ABLIM1: variants seen among roughly 807,000 people sequenced by gnomAD.
The protein encoded by ABLIM1 is actin binding LIM protein 1.
ABLIM1 carries 40 observed loss-of-function variants against 107.0 expected under a neutral mutation model. The observed-to-expected ratio is 0.37, with a 90% CI of 0.29 to 0.49. ABLIM1 has a LOEUF of 0.49. Ranked by LOEUF, ABLIM1 falls within the 20% of genes least tolerant of loss-of-function variation. The pLI, the probability that ABLIM1 is intolerant of heterozygous loss-of-function variation, is 0.97. For synonymous variants in ABLIM1, 357 were observed against 357.3 expected, an observed-to-expected ratio of 1.00 and a Z score of 0.01; for missense variants, 857 against 1,008.5, an observed-to-expected ratio of 0.85 and a Z score of 2.04.
intron 6 of ABLIM1, among the ~76,000 whole-genome samples, chr10:114,510,658 T>A (rs1590695611): frequency 6.6e-6 from 1 of 150,536 alleles, no homozygotes; most frequent in Non-Finnish European, 1.5e-5. Flanking sequence ...ATTTTATTAT[T>A]TTTTTTTTTG....
At chr10:114,701,069 A>T (rs1163352016) in intron 1 of ABLIM1, among the ~76,000 whole-genome samples, 2 of 152,146 alleles carry the variant, frequency 1.3e-5, no homozygotes, top group African/African-American at 4.8e-5. Context: ...ATACATTTTA[A>T]AAAAAACTCC....
chr10:114,495,088 A>T (rs1435570806), intron 6 of ABLIM1, among the ~76,000 whole-genome samples: 2 of 152,186 alleles, frequency 1.3e-5, no homozygotes, highest in African/African-American at 4.8e-5. Context: ...AGACAGCGAG[A>T]ATATACAACT....
rs2081742151 is a variant in ABLIM1, at chr10:114,718,111, G to GGAAGGAAGAGAA, written c.-213+49949_-213+49950insTTCTCTTCCTTC. ...GAAGGAAGGAAAAGAAAAAGAAAAA[G>GGAAGGAAGAGAA]AAAGAAAGAAAAAGAAAGAAAAGAA... On this transcript the variant is annotated intron_variant, in intron 1 of 15. Transcript: ENST00000651092. Among the ~76,000 whole-genome samples the GGAAGGAAGAGAA allele has an allele frequency of 3.7e-5, 4 of 109,330 alleles. 1 individual carries two copies. The highest frequency in any genetic ancestry group is 6.0e-5 in the Non-Finnish European group (3 of 50,256). The allele number at this position is 109,330 out of a possible 152,430, so 71.7% of individuals were successfully genotyped here.
chr10:114,613,197 C>A (rs2076926964), intron 1 of ABLIM1, among the ~76,000 whole-genome samples: 1 of 152,202 alleles, frequency 6.6e-6, no homozygotes, highest in Admixed American at 6.5e-5. Context: ...GATAATAACT[C>A]CTGTGATCCC....
intron 1 of ABLIM1, among the ~76,000 whole-genome samples, chr10:114,701,164 A>G (rs2081300768): frequency 6.6e-6 from 1 of 152,180 alleles, no homozygotes; most frequent in Non-Finnish European, 1.5e-5. Flanking sequence ...TAGATATGCA[A>G]ATGACCATTA....
intron 1 of ABLIM1, among the ~76,000 whole-genome samples, chr10:114,621,390 T>C (rs1035872500): frequency 1.3e-5 from 2 of 152,038 alleles, no homozygotes; most frequent in Non-Finnish European, 2.9e-5. Flanking sequence ...CATATTAGAG[T>C]CTAAAAAAAA....
rs187683585 is a variant in ABLIM1 at position 114,554,609 on chromosome 10, T to C, written c.674-6833A>G. Reference sequence around the variant, plus strand: ...TACTTTGGAGGCTGAGGTGGGAGGATTGCTTGAGCCCAGGAGCTCAAGGCT... The same window carrying C: ...TACTTTGGAGGCTGAGGTGGGAGGACTGCTTGAGCCCAGGAGCTCAAGGCT... On this transcript the variant is annotated intron_variant, in intron 4 of 22. Coordinates refer to ENST00000533213, the MANE Select transcript of ABLIM1 (RefSeq NM_002313.7). Among the ~76,000 whole-genome samples, 417 of 152,272 alleles carry C rather than the reference T, an allele frequency of 2.7e-3. 3 individuals carry two copies. The highest frequency in any genetic ancestry group is 3.8e-3 in the Non-Finnish European group (258 of 68,010).
At chr10:114,443,106 G>A (rs1424920761) in intron 17 of ABLIM1, among the ~76,000 whole-genome samples, 1 of 152,106 alleles carries the variant, frequency 6.6e-6, no homozygotes, top group African/African-American at 2.4e-5. Flanking sequence ...CCCACTAAAT[G>A]CATTTTTAAA....
At chr10:114,667,805 T>C (rs528664207) in intron 1 of ABLIM1, among the ~76,000 whole-genome samples, 10 of 152,320 alleles carry the variant, frequency 6.6e-5, no homozygotes, top group African/African-American at 2.2e-4. Flanking sequence ...CTCAGCATGT[T>C]TTTGAGACTC....
chr10:114,469,205 T>C (rs768329647), intron 10 of ABLIM1, among the ~76,000 whole-genome samples: 6 of 152,170 alleles, frequency 3.9e-5, no homozygotes, highest in Non-Finnish European at 8.8e-5. Context: ...AAACATAGGA[T>C]CTTGTTCACA....
chr10:114,638,042 TA>T (rs1409333800), intron 1 of ABLIM1, among the ~76,000 whole-genome samples: 13 of 152,320 alleles, frequency 8.5e-5, no homozygotes, highest in Middle Eastern at 3.4e-3. Context: ...GACTATGTTG[TA>T]ATGAAGGATG....
At chr10:114,440,770 C>T in intron 19 of ABLIM1, 2 of 602,196 alleles carry the variant, frequency 3.3e-6, no homozygotes, top group Non-Finnish European at 6.2e-6. Flanking sequence ...CTCTAGGTAT[C>T]TGATAGAGTG....
intron 8 of ABLIM1, among the ~76,000 whole-genome samples, chr10:114,480,729 T>C (rs2057228822): frequency 6.6e-6 from 1 of 152,204 alleles, no homozygotes; most frequent in African/African-American, 2.4e-5. Flanking sequence ...ACCTTCTTGT[T>C]GATATGGCTG....
chr10:114,603,927 T>G (rs1432192621), intron 1 of ABLIM1, among the ~76,000 whole-genome samples: 1 of 138,612 alleles, frequency 7.2e-6, no homozygotes, highest in African/African-American at 2.7e-5. Flanking sequence ...CACTCCAGCC[T>G]GGGGGACAAG....
At chr10:114,441,362 T>C (rs2060172204) in intron 18 of ABLIM1, among the ~76,000 whole-genome samples, 1 of 152,232 alleles carries the variant, frequency 6.6e-6, no homozygotes, top group South Asian at 2.1e-4. Context: ...TTCCATCTTT[T>C]GTGAGGAGGA....
chr10:114,634,518 C>T (rs577203522), intron 1 of ABLIM1, among the ~76,000 whole-genome samples: 1 of 152,258 alleles, frequency 6.6e-6, no homozygotes, highest in African/African-American at 2.4e-5. Context: ...CAGTTCTGAA[C>T]CTACCTGTAT....
intron 1 of ABLIM1, chr10:114,613,755 C>T: frequency 7.7e-7 from 1 of 1,302,170 alleles, no homozygotes; most frequent in African/African-American, 1.5e-5. Flanking sequence ...TAGAATGCTA[C>T]ACATTCTAGA....
chr10:114,547,657 T>C lies in ABLIM1; in HGVS notation c.793A>G (p.Ile265Val). The part of the protein sequence containing the change: ...SCGKVLTGEY[I>V]SKDGAPYCEK... ...GCCCGCGCCCAGCCTTACTTGCTGA[T>C]GTACTCCCCGGTGAGGACCTTCCCG... The change falls in exon 5 of 23, where the codon ATC becomes GTC. Residue 265 changes from isoleucine to valine, a missense_variant. Coordinates refer to ENST00000533213, the MANE Select transcript of ABLIM1 (RefSeq NM_002313.7). 6.2e-7 allele frequency: 1 copy of C among 1,613,822 alleles called. No individual in the cohort carries two copies. Among genetic ancestry groups the C allele is most frequent in the Non-Finnish European group, 8.5e-7 (1 of 1,180,018 alleles).
chr10:114,595,244 C>T (rs1298634065), intron 2 of ABLIM1: 4 of 151,388 alleles, frequency 2.6e-5, no homozygotes, highest in African/African-American at 9.7e-5. Flanking sequence ...AAATATATAA[C>T]ATGTATACTT....
Sources: gnomAD v4.1 joint callset for allele counts (sites outside exome capture counted in the v4.1 genomes callset) on GRCh38, gnomAD v4.1.1 for gene constraint, MANE v1.5 for transcripts, NCBI Gene and HGNC (gene_info 2026-07-23, HGNC 2026-07-21) for gene names.